MTUS2: variants seen among roughly 807,000 people sequenced by gnomAD.
The protein encoded by MTUS2 is microtubule-associated tumor suppressor candidate 2.
A neutral mutation model predicts 114.1 loss-of-function variants in MTUS2; 40 were observed. That is an observed-to-expected ratio of 0.35 (90% CI 0.27 to 0.46). The LOEUF is 0.46. Ranked by LOEUF, MTUS2 falls within the 20% of genes least tolerant of loss-of-function variation. The pLI, the probability that MTUS2 is intolerant of heterozygous loss-of-function variation, is 1.00. For missense variants in MTUS2, 1,679 were observed against 1,705.4 expected, an observed-to-expected ratio of 0.98 and a Z score of 0.27; for synonymous variants, 688 against 672.0, an observed-to-expected ratio of 1.02 and a Z score of -0.37.
chr13:29,158,434 A>G (rs1488492906), intron 5 of MTUS2, among the ~76,000 whole-genome samples: 1 of 144,744 alleles, frequency 6.9e-6, no homozygotes, highest in Non-Finnish European at 1.5e-5. Context: ...GCCCAGGCCA[A>G]TCAGGGACAC....
intron 2 of MTUS2, among the ~76,000 whole-genome samples, chr13:29,010,317 T>C (rs998352378): frequency 1.3e-5 from 2 of 152,214 alleles, no homozygotes; most frequent in East Asian, 3.8e-4. Flanking sequence ...TTTTCTACTT[T>C]AATACCTCTT....
intron 5 of MTUS2, among the ~76,000 whole-genome samples, chr13:29,219,562 C>T (rs1593182417): frequency 6.6e-6 from 1 of 152,262 alleles, no homozygotes; most frequent in African/African-American, 2.4e-5. Flanking sequence ...GAGAGTTAGC[C>T]TGTCCTTTGA....
chr13:28,942,005 C>G (rs561952091), intron 2 of MTUS2, among the ~76,000 whole-genome samples: 3 of 152,140 alleles, frequency 2.0e-5, no homozygotes, highest in South Asian at 4.2e-4. Context: ...AAATATTGGA[C>G]TACATTAAAG....
chr13:29,336,016 T>A (rs1156960364), intron 7 of MTUS2, among the ~76,000 whole-genome samples: 1 of 152,226 alleles, frequency 6.6e-6, no homozygotes, highest in Non-Finnish European at 1.5e-5. Flanking sequence ...GTTCTTGTGC[T>A]GTATTTTTCA....
chr13:28,988,965 C>T (rs965211058), intron 2 of MTUS2, among the ~76,000 whole-genome samples: 1 of 152,192 alleles, frequency 6.6e-6, no homozygotes, highest in Non-Finnish European at 1.5e-5. Context: ...GCTCATTTAG[C>T]TTTCCTTGTA....
intron 2 of MTUS2, among the ~76,000 whole-genome samples, chr13:28,843,760 G>A (rs752055779): frequency 2.0e-5 from 3 of 152,218 alleles, no homozygotes; most frequent in African/African-American, 7.2e-5. Context: ...TGTTTGATAT[G>A]AGGCCAGATT....
chr13:29,166,914 C>T (rs901366891), intron 5 of MTUS2, among the ~76,000 whole-genome samples: 2 of 152,140 alleles, frequency 1.3e-5, no homozygotes, highest in African/African-American at 4.8e-5. Context: ...CAGTATGCTC[C>T]TACTCATTCA....
At position 29,426,551 on chromosome 13, in the gene MTUS2, T is replaced by G. The variant is rs193044453; in HGVS notation, c.3118-13432T>G. Among the ~76,000 whole-genome samples, 716 of 152,304 alleles carry G rather than the reference T, an allele frequency of 4.7e-3. 6 individuals are homozygous for G. Among genetic ancestry groups the G allele is most frequent in the African/African-American group, 0.017 (689 of 41,564 alleles). On this transcript the variant is annotated intron_variant, in intron 8 of 15. Coordinates refer to ENST00000612955, the MANE Select transcript of MTUS2 (RefSeq NM_001033602.4). ...CCCTACTTCTCCCTGTCCCCAGCCC[T>G]TGGCAGCCACCATTCCACTTTCTGT...
intron 2 of MTUS2, among the ~76,000 whole-genome samples, chr13:28,905,461 T>C (rs1349901540): frequency 2.0e-5 from 3 of 151,752 alleles, no homozygotes; most frequent in African/African-American, 7.3e-5. Context: ...GTTTTTAGCA[T>C]GAAGGTTGTT....
At chr13:28,993,362 G>A (rs1460245176) in intron 2 of MTUS2, among the ~76,000 whole-genome samples, 2 of 152,150 alleles carry the variant, frequency 1.3e-5, no homozygotes, top group South Asian at 4.1e-4. Flanking sequence ...TACCAACAAT[G>A]CACAAGTGTT....
chr13:29,244,955 C>CAAAAAAAAAAAAAAAAAA (rs56095961), intron 5 of MTUS2, among the ~76,000 whole-genome samples: 18 of 60,502 alleles, frequency 3.0e-4, no homozygotes, highest in Non-Finnish European at 4.3e-4. Flanking sequence ...GACTCCGTCT[C>CAAAAAAAAAAAAAAAAAA]AAAAAAAAAA....
chr13:28,923,583 C>T (rs541869207), intron 2 of MTUS2, among the ~76,000 whole-genome samples: 5 of 152,160 alleles, frequency 3.3e-5, no homozygotes, highest in African/African-American at 4.8e-5. Flanking sequence ...CAGGCCAGGA[C>T]GCCTTGCCCC....
chr13:29,490,092 A>C (rs1881951752), intron 11 of MTUS2: 1 of 152,222 alleles, frequency 6.6e-6, no homozygotes, highest in Non-Finnish European at 1.5e-5. Context: ...TAGCTAAAAA[A>C]TTTATTATTA....
chr13:29,132,998 C>A (rs1344249969), intron 5 of MTUS2, among the ~76,000 whole-genome samples: 1 of 150,888 alleles, frequency 6.6e-6, no homozygotes, highest in Non-Finnish European at 1.5e-5. Flanking sequence ...GTTCCAGGTT[C>A]TCCACATTCT....
At chr13:29,282,349 T>C (rs902865309) in intron 6 of MTUS2, among the ~76,000 whole-genome samples, 2 of 152,170 alleles carry the variant, frequency 1.3e-5, no homozygotes, top group African/African-American at 2.4e-5. Context: ...CATGGTAGGG[T>C]TGGCTCTAGA....
chr13:29,495,731 T>C (rs1593518321), intron 12 of MTUS2, among the ~76,000 whole-genome samples: 1 of 151,656 alleles, frequency 6.6e-6, no homozygotes, highest in Admixed American at 6.6e-5. Flanking sequence ...ATTAGCTGGG[T>C]GTGGTGGTGC....
intron 3 of MTUS2, among the ~76,000 whole-genome samples, chr13:29,029,103 C>T (rs367681244): frequency 5.3e-5 from 8 of 152,208 alleles, no homozygotes; most frequent in African/African-American, 1.4e-4. Context: ...GCTGCCTTGC[C>T]GCAGGTCCTT....
At chr13:28,963,745 C>T (rs763912565) in intron 2 of MTUS2, among the ~76,000 whole-genome samples, 3 of 152,192 alleles carry the variant, frequency 2.0e-5, no homozygotes, top group Non-Finnish European at 4.4e-5. Flanking sequence ...GCTTCCATCC[C>T]GTCACTCCAT....
chr13:29,033,812 G>A, intron 3 of MTUS2, 73 bp from the exon 4 acceptor site: 3 of 1,572,546 alleles, frequency 1.9e-6, no homozygotes, highest in Middle Eastern at 1.7e-4. Flanking sequence ...TTCAGCCTCG[G>A]TCTCGTGGTC....
Sources: allele counts gnomAD v4.1 joint callset (sites outside exome capture counted in the v4.1 genomes callset), GRCh38; gene constraint gnomAD v4.1.1; transcripts MANE v1.5; gene names NCBI Gene and HGNC (gene_info 2026-07-23, HGNC 2026-07-21).